The following EFR3B variants were observed in gnomAD, a reference collection of about 807,000 sequenced individuals.
EFR3B encodes protein EFR3 homolog B.
EFR3B carries 64 observed loss-of-function variants against 104.7 expected under a neutral mutation model. The observed-to-expected ratio is 0.61, with a 90% CI of 0.50 to 0.75. The LOEUF (loss-of-function observed/expected upper bound fraction) is 0.75. Ranked by LOEUF, EFR3B falls within the 30% of genes least tolerant of loss-of-function variation. The probability of loss-of-function intolerance (pLI) is 0.00; values close to 1 mark genes in which losing one functional copy is unlikely to be tolerated. For missense variants in EFR3B, 750 were observed against 1,078.5 expected (o/e 0.70, Z 4.27); for synonymous variants, 385 against 417.9 (o/e 0.92, Z 0.96).
At chr2:25,072,239 G>A (rs946001741) in intron 1 of EFR3B, among the ~76,000 whole-genome samples, 2 of 150,490 alleles carry the variant, frequency 1.3e-5, no homozygotes, top group East Asian at 3.9e-4. Context: ...CTTCCTTTCT[G>A]TTCTCTTTCC....
intron 3 of EFR3B, among the ~76,000 whole-genome samples, chr2:25,102,989 C>G (rs987274422): frequency 6.6e-6 from 1 of 152,150 alleles, no homozygotes; most frequent in Non-Finnish European, 1.5e-5. Flanking sequence ...AACACAATAC[C>G]TGCAAATTTT....
At chr2:25,064,129 A>G (rs1163003016) in intron 1 of EFR3B, among the ~76,000 whole-genome samples, 2 of 152,082 alleles carry the variant, frequency 1.3e-5, no homozygotes, top group Non-Finnish European at 2.9e-5. Flanking sequence ...TGCTTCTGAA[A>G]TTTCTCTTTG....
At chr2:25,064,352 A>G (rs1383992065) in intron 1 of EFR3B, among the ~76,000 whole-genome samples, 2 of 152,164 alleles carry the variant, frequency 1.3e-5, no homozygotes, top group African/African-American at 2.4e-5. Context: ...CTTGATCTCA[A>G]TCAGTTTGGC....
chr2:25,059,572 C>CGGGGGGGGGGGGGGGGGGGGGG, intron 1 of EFR3B, among the ~76,000 whole-genome samples: 1 of 60,260 alleles, frequency 1.7e-5, no homozygotes, highest in Non-Finnish European at 3.3e-5. Context: ...CCAGGGACTG[C>CGGGGGGGGGGGGGGGGGGGGGG]GGGGGGGGGG....
chr2:25,073,360 C>CT (rs33951017), intron 1 of EFR3B, among the ~76,000 whole-genome samples: 57,989 of 140,876 alleles, frequency 0.41, 14,097 homozygotes, highest in Middle Eastern at 0.6. Context: ...CTATTTAATA[C>CT]TTTTTTTTTT....
chr2:25,096,795 T>C (rs1274499623), intron 3 of EFR3B, among the ~76,000 whole-genome samples: 1 of 152,126 alleles, frequency 6.6e-6, no homozygotes, highest in Non-Finnish European at 1.5e-5. Flanking sequence ...TACAGTGAAA[T>C]GTGCATGGTG....
chr2:25,077,586 G>T (rs1187801983), intron 1 of EFR3B, among the ~76,000 whole-genome samples: 1 of 152,222 alleles, frequency 6.6e-6, no homozygotes, highest in African/African-American at 2.4e-5. Context: ...ACCATGCCTG[G>T]CCGAAAGGCC....
intron 2 of EFR3B, 125 bp downstream of exon 2, chr2:25,091,526 C>A: frequency 1.2e-6 from 1 of 818,916 alleles, no homozygotes; most frequent in Non-Finnish European, 1.9e-6. Context: ...TCCCTGGGCA[C>A]TGAGCCTTCC....
Position 25,131,830 on chromosome 2 carries a change from G to T in EFR3B, c.1066G>T (p.Asp356Tyr). The T allele has an allele frequency of 3.9e-6, 6 of 1,550,026 alleles. No homozygotes were observed. Among genetic ancestry groups the T allele is most frequent in the Non-Finnish European group, 4.4e-6 (5 of 1,146,510 alleles). ...SIDYALTGSY[D>Y]GAVSLGTKII... ...CGACTACGCGCTGACCGGGAGCTAC[G>T]ACGGGGCGGTCAGCCTCGGCACCAA... Residue 356 changes from aspartate (D) to tyrosine (Y), a missense_variant, in exon 10 of 23, where the codon GAC (aspartate) becomes TAC (tyrosine). Coordinates refer to ENST00000403714, the MANE Select transcript of EFR3B (RefSeq NM_014971.2). This position sits in a 1 kb window ranked among gnomAD's most constrained non-coding sequence, Gnocchi z 7.6.
intron 1 of EFR3B, chr2:25,080,112 C>T (rs775952176): frequency 1.6e-5 from 16 of 1,013,004 alleles, no homozygotes; most frequent in East Asian, 7.2e-5. Flanking sequence ...CTTTTACTGC[C>T]GTGACTATAC....
At chr2:25,090,460 G>A (rs1052415932) in intron 1 of EFR3B, among the ~76,000 whole-genome samples, 2 of 152,238 alleles carry the variant, frequency 1.3e-5, no homozygotes, top group Non-Finnish European at 2.9e-5. Flanking sequence ...TCACTTCACA[G>A]AACCAAAACA....
intron 6 of EFR3B, among the ~76,000 whole-genome samples, chr2:25,129,356 T>TG (rs1488461317): frequency 8.8e-4 from 4 of 4,522 alleles, no homozygotes; most frequent in East Asian, 6.4e-3. Context: ...GGGCGGGGCG[T>TG]GGGGTGGGGC....
At position 25,137,353 on chromosome 2, in the gene EFR3B, C is replaced by A. The variant is rs1423682364; in HGVS notation, c.1573C>A (p.Leu525Ile). The A allele has an allele frequency of 1.9e-6, 3 of 1,552,198 alleles. No individual in the cohort carries two copies. The highest frequency in any genetic ancestry group is 2.6e-6 in the Non-Finnish European group (3 of 1,147,132). ...TVFMKKHSQQ[L>I]YRHIYLSCKE... The stretch of plus-strand genomic sequence containing the variant: ...CTCCTGTCCCCAGCACTCCCAGCAG[C>A]TCTACAGACACATCTACCTGAGCTG... Residue 525 changes from leucine (L) to isoleucine (I), a missense_variant, in exon 15 of 23, where the codon CTC becomes ATC. Transcript: ENST00000403714. The surrounding 1 kb of genome is among the most constrained non-coding windows in gnomAD (Gnocchi z 4.7).
chr2:25,119,358 C>G (rs1394843596), intron 4 of EFR3B, among the ~76,000 whole-genome samples: 1 of 152,230 alleles, frequency 6.6e-6, no homozygotes, highest in African/African-American at 2.4e-5. Flanking sequence ...CCGGACCAGC[C>G]TTTGGCTGTG....
In EFR3B at chr2:25,143,294, G is replaced by A. The variant is rs138630836; in HGVS notation, c.1923-441G>A. Among the ~76,000 whole-genome samples the A allele has an allele frequency of 1.2e-3, 182 of 152,312 alleles. 1 individual carries two copies. The highest frequency in any genetic ancestry group is 4.3e-3 in the African/African-American group (180 of 41,578). ...ATAAAATGAATAGTGGTTATCTCTG[G>A]AAATGGGACTGGGGGTGACTGTTCC... On this transcript the variant is annotated intron_variant, in intron 17 of 22. Transcript: ENST00000403714.
chr2:25,122,547 C>A (rs143020372), intron 5 of EFR3B, among the ~76,000 whole-genome samples: 1 of 152,086 alleles, frequency 6.6e-6, no homozygotes, highest in South Asian at 2.1e-4. Context: ...CCTTGGCCCT[C>A]CTGCTTGCTC....
At chr2:25,101,172 C>T (rs1354845659) in intron 3 of EFR3B, among the ~76,000 whole-genome samples, 1 of 152,164 alleles carries the variant, frequency 6.6e-6, no homozygotes, top group Non-Finnish European at 1.5e-5. Flanking sequence ...CCAGTGGGCT[C>T]TGCTCCATGA....
At chr2:25,090,931 C>T (rs1669094010) in intron 1 of EFR3B, among the ~76,000 whole-genome samples, 2 of 152,114 alleles carry the variant, frequency 1.3e-5, no homozygotes, top group African/African-American at 2.4e-5. Flanking sequence ...ATTCCTGTCC[C>T]GGAAACGTGA....
intron 1 of EFR3B, among the ~76,000 whole-genome samples, chr2:25,049,191 A>C (rs933557667): frequency 6.6e-6 from 1 of 152,226 alleles, no homozygotes; most frequent in African/African-American, 2.4e-5. Flanking sequence ...TTCCCCTAGT[A>C]CTTGCTAATT....
Sources: gnomAD v4.1 joint callset for allele counts (sites outside exome capture counted in the v4.1 genomes callset) on GRCh38, gnomAD v4.1.1 for gene constraint, Gnocchi (gnomAD v3.1) non-coding constraint, MANE v1.5 for transcripts, NCBI Gene and HGNC (gene_info 2026-07-23, HGNC 2026-07-21) for gene names.